UQCC1: variants seen among roughly 807,000 people sequenced by gnomAD.
The protein encoded by UQCC1 is ubiquinol-cytochrome c reductase complex assembly factor 1, also known as bFGF-repressed Zic-binding protein.
UQCC1 carries 38 observed loss-of-function variants against 48.0 expected under a neutral mutation model. The ratio of observed to expected loss-of-function variants is 0.79; its 90% CI spans 0.61 to 1.04. The LOEUF (loss-of-function observed/expected upper bound fraction) is 1.04, where lower values mean the gene tolerates loss of function less well. UQCC1 is among the 50% of genes least tolerant of loss of function. The pLI is 0.00. For synonymous variants in UQCC1, 111 were observed against 129.2 expected, an observed-to-expected ratio of 0.86 and a Z score of 0.95; for missense variants, 368 against 381.8, an observed-to-expected ratio of 0.96 and a Z score of 0.30.
chr20:35,320,799 A>G (rs2061115795), intron 7 of UQCC1, among the ~76,000 whole-genome samples: 1 of 152,254 alleles, frequency 6.6e-6, no homozygotes, highest in South Asian at 2.1e-4. Flanking sequence ...ACTGGCTTGA[A>G]GCAAAGTTGC....
chr20:35,391,534 G>A (rs2062014182), intron 2 of UQCC1, among the ~76,000 whole-genome samples: 1 of 152,012 alleles, frequency 6.6e-6, no homozygotes, highest in Non-Finnish European at 1.5e-5. Flanking sequence ...TGAGGTGGGA[G>A]GATCGCTTGA....
chr20:35,373,991 A>G (rs991915287), intron 5 of UQCC1, among the ~76,000 whole-genome samples, 193 bp downstream of exon 5: 1 of 152,214 alleles, frequency 6.6e-6, no homozygotes, highest in Non-Finnish European at 1.5e-5. Flanking sequence ...CGGGCAACAC[A>G]GCAAGACCCT....
At chr20:35,348,090 G>C (rs772278804) in intron 6 of UQCC1, among the ~76,000 whole-genome samples, 1 of 152,098 alleles carries the variant, frequency 6.6e-6, no homozygotes, top group Non-Finnish European at 1.5e-5. Flanking sequence ...ATCAAATCTG[G>C]TTTTTGTCAA....
At chr20:35,349,448 A>G (rs762962811) in intron 6 of UQCC1, among the ~76,000 whole-genome samples, 1 of 152,244 alleles carries the variant, frequency 6.6e-6, no homozygotes, top group Non-Finnish European at 1.5e-5. Context: ...AATCAAGAGG[A>G]TAACAATGCT....
intron 6 of UQCC1, among the ~76,000 whole-genome samples, chr20:35,362,120 AC>A (rs1568682271): frequency 6.6e-6 from 1 of 152,216 alleles, no homozygotes; most frequent in Non-Finnish European, 1.5e-5. Context: ...CAGAGATAAT[AC>A]CTGAATTGGA....
intron 1 of UQCC1, among the ~76,000 whole-genome samples, chr20:35,411,230 G>C (rs1369434719): frequency 6.6e-6 from 1 of 152,126 alleles, no homozygotes; most frequent in Non-Finnish European, 1.5e-5. Flanking sequence ...GAGTATGCTA[G>C]AAGGGTCAGG....
intron 8 of UQCC1, among the ~76,000 whole-genome samples, chr20:35,310,440 C>T (rs543861654): frequency 4.6e-5 from 7 of 151,852 alleles, no homozygotes; most frequent in African/African-American, 1.7e-4. Flanking sequence ...GTCAAGAGAT[C>T]GAGACCATCC....
intron 2 of UQCC1, among the ~76,000 whole-genome samples, chr20:35,392,536 C>T (rs1305411543): frequency 6.6e-6 from 1 of 152,190 alleles, no homozygotes; most frequent in Non-Finnish European, 1.5e-5. Context: ...CTACCATCTA[C>T]ACACATACAA....
rs151266457 is a variant in UQCC1, at chr20:35,343,790, C to A, written c.573+3374G>T. On this transcript the variant is annotated intron_variant, in intron 7 of 9. Transcript: ENST00000374385. ...CACCCTGCGTCACTAGCAACATCCG[C>A]ATCACCTGGAAGCTTTTCAGAACTG... Among the ~76,000 whole-genome samples the A allele has an allele frequency of 3.9e-3, 600 of 152,324 alleles. 2 individuals are homozygous for A. Among genetic ancestry groups the A allele is most frequent in the African/African-American group, 0.013 (544 of 41,566 alleles).
intron 7 of UQCC1, among the ~76,000 whole-genome samples, chr20:35,340,803 GA>G (rs1420458337): frequency 6.6e-6 from 1 of 152,196 alleles, no homozygotes; most frequent in East Asian, 1.9e-4. Context: ...TCGTAAAATA[GA>G]AGAGGTCTGA....
chr20:35,394,316 G>T, intron 1 of UQCC1, 120 bp from the exon 2 acceptor site: 1 of 873,624 alleles, frequency 1.1e-6, no homozygotes, highest in Non-Finnish European at 1.8e-6. Flanking sequence ...TTCATCTCTA[G>T]TTCCTGGCAC....
intron 7 of UQCC1, chr20:35,344,178 T>A (rs575985556): frequency 7.9e-5 from 12 of 152,238 alleles, no homozygotes; most frequent in Non-Finnish European, 1.2e-4. Flanking sequence ...GTTTACTGCA[T>A]AAGCAAAAAA....
At chr20:35,401,344 T>C (rs916466054) in intron 1 of UQCC1, among the ~76,000 whole-genome samples, 1 of 152,112 alleles carries the variant, frequency 6.6e-6, no homozygotes, top group Non-Finnish European at 1.5e-5. Context: ...CATACTACAC[T>C]TGGGTGACAT....
At chr20:35,410,905 CAAAT>C (rs1214775699) in intron 1 of UQCC1, among the ~76,000 whole-genome samples, 1 of 151,630 alleles carries the variant, frequency 6.6e-6, no homozygotes, top group Admixed American at 6.6e-5. Context: ...GGCTACTCTA[CAAAT>C]AAATATTTAC....
chr20:35,391,966 C>G (rs189170250), intron 2 of UQCC1, among the ~76,000 whole-genome samples: 1 of 152,216 alleles, frequency 6.6e-6, no homozygotes, highest in Non-Finnish European at 1.5e-5. Context: ...TAAGACAAAG[C>G]TGAAAGTATG....
At chr20:35,387,386 G>A (rs1366650092) in intron 2 of UQCC1, among the ~76,000 whole-genome samples, 4 of 152,130 alleles carry the variant, frequency 2.6e-5, no homozygotes, top group East Asian at 1.9e-4. Context: ...TACCATGGGC[G>A]TGTGTGTCTG....
chr20:35,359,436 G>A (rs1473935722), intron 6 of UQCC1, among the ~76,000 whole-genome samples: 1 of 152,146 alleles, frequency 6.6e-6, no homozygotes, highest in Non-Finnish European at 1.5e-5. Context: ...GAGTTCAAAG[G>A]AATAGGAGAG....
At chr20:35,309,274 AT>A in intron 8 of UQCC1, 1 of 430,546 alleles carries the variant, frequency 2.3e-6, no homozygotes, top group Non-Finnish European at 4.7e-6. Context: ...CCACAAAAAA[AT>A]ATAAAAATTA....
rs772755364 is a variant in UQCC1 at position 35,347,220 on chromosome 20, G to A, written c.517C>T (p.Arg173Cys). Residue 173 changes from arginine (R) to cysteine (C), a missense_variant, in exon 7 of 10, where the codon CGT (arginine) becomes TGT (cysteine). Transcript: ENST00000374385. ...QEGRSGKYMC[R>C]IIVHFMWEDV... ...TCCCACATAAAATGAACTATGATACGACACATGTACTTCCCACTCCGGCCT... is the reference window on the plus strand; with the variant it reads ...TCCCACATAAAATGAACTATGATACAACACATGTACTTCCCACTCCGGCCT... The A allele has an allele frequency of 4.3e-6, 7 of 1,614,018 alleles. No individual in the cohort carries two copies. The highest frequency in any genetic ancestry group is 5.9e-6 in the Non-Finnish European group (7 of 1,180,016).
Sources: gnomAD v4.1 joint callset for allele counts (sites outside exome capture counted in the v4.1 genomes callset) on GRCh38, gnomAD v4.1.1 for gene constraint, MANE v1.5 for transcripts, NCBI Gene and HGNC (gene_info 2026-07-23, HGNC 2026-07-21) for gene names.